Variants in ACAT1 observed in about 807,000 individuals in gnomAD.
ACAT1 encodes the protein acetyl-CoA acetyltransferase, mitochondrial.
Under a neutral mutation model 47.3 loss-of-function variants are expected in ACAT1, and 28 were observed. That is an observed-to-expected ratio of 0.59 (90% CI 0.44 to 0.81). The LOEUF (loss-of-function observed/expected upper bound fraction) is 0.81, where lower values mean the gene tolerates loss of function less well. ACAT1 is among the 30% of genes least tolerant of loss of function. ACAT1 has a pLI of 0.00. For missense variants in ACAT1, 469 were observed against 524.3 expected (o/e 0.89, Z 1.03); for synonymous variants, 181 against 173.6 (o/e 1.04, Z -0.34).
At chr11:108,142,581 A>G in intron 9 of ACAT1, 31 bp downstream of exon 9, 1 of 1,556,464 alleles carries the variant, frequency 6.4e-7, no homozygotes, top group Non-Finnish European at 8.9e-7. Flanking sequence ...TCACACCTGT[A>G]ATCCCAGCAC....
intron 1 of ACAT1, among the ~76,000 whole-genome samples, chr11:108,131,437 C>T (rs1300015667): frequency 3.7e-5 from 5 of 136,286 alleles, no homozygotes; most frequent in Non-Finnish European, 7.6e-5. Flanking sequence ...CTGCAACCTC[C>T]GCCTCCTGGG....
chr11:108,135,301 C>G, intron 5 of ACAT1, 59 bp downstream of exon 5: 3 of 1,262,892 alleles, frequency 2.4e-6, no homozygotes, highest in Non-Finnish European at 3.5e-6. Context: ...CTAAAAGACA[C>G]AAAAATCTAG....
chr11:108,144,589 A>G (rs371895505), intron 10 of ACAT1, among the ~76,000 whole-genome samples: 3 of 152,186 alleles, frequency 2.0e-5, no homozygotes, highest in African/African-American at 7.2e-5. Context: ...TCTTAAGTAA[A>G]TATTTCCTTT....
At chr11:108,119,199 C>CTT (rs376501004), upstream of ACAT1, among the ~76,000 whole-genome samples, 2 of 147,934 alleles carry the variant, frequency 1.4e-5, no homozygotes, top group African/African-American at 5.0e-5. Flanking sequence ...TGTAACCAGT[C>CTT]TTTTTTTTTT....
chr11:108,118,010 A>G (rs1376225172), upstream of ACAT1, among the ~76,000 whole-genome samples: 1 of 152,216 alleles, frequency 6.6e-6, no homozygotes, highest in Non-Finnish European at 1.5e-5. Context: ...TAAATCCCAG[A>G]TAAACCACTT....
At chr11:108,133,978 G>A (rs1426382484) in intron 3 of ACAT1, 41 bp downstream of exon 3, 1 of 1,526,884 alleles carries the variant, frequency 6.5e-7, no homozygotes, top group Non-Finnish European at 9.1e-7. Context: ...GGAGCAAAAA[G>A]ATTCCATGGA....
At position 108,146,359 on chromosome 11, in the gene ACAT1, G is replaced by C. The variant is rs773491386; in HGVS notation, c.1163G>C (p.Gly388Ala). The change falls in exon 11 of 12, where the codon GGG becomes GCG. Residue 388 changes from glycine to alanine, a missense_variant and splice_region_variant. Gly to Ala is a moderately conservative substitution (Grantham distance 60, BLOSUM62 0). Transcript: ENST00000265838. The part of the protein sequence containing the change: ...GGAVSLGHPI[G>A]MSGARIVGHL... ...GCTGTTTCTCTGGGACATCCAATTG[G>C]GTAGGTAAAAATAATAACTATATCT... is the stretch of plus-strand genomic sequence containing the variant. The C allele has an allele frequency of 6.2e-7, 1 of 1,613,680 alleles. No homozygotes were observed. The highest frequency in any genetic ancestry group is 2.2e-5 in the East Asian group (1 of 44,812).
In ACAT1 at chr11:108,134,293, C is replaced by T; in HGVS notation, c.311C>T (p.Thr104Ile). Residue 104 changes from threonine (T) to isoleucine (I), a missense_variant, in exon 4 of 12, where the codon ACA becomes ATA. Thr to Ile is a moderately conservative substitution (Grantham distance 89). Coordinates refer to ENST00000265838, the MANE Select transcript of ACAT1 (RefSeq NM_000019.4). ...CAAGGAGGTGAAGGACAAGCTCCTA[C>T]AAGGCAGGCAGTATTGGGTGCAGGT... is the stretch of plus-strand genomic sequence containing the variant. ...VLQGGEGQAP[T>I]RQAVLGAGLP... The T allele has an allele frequency of 6.2e-7, 1 of 1,613,072 alleles. No homozygotes were observed. Among genetic ancestry groups the T allele is most frequent in the Middle Eastern group, 1.7e-4 (1 of 6,056 alleles).
At chr11:108,141,476 T>C in intron 7 of ACAT1, 129 bp from the exon 8 acceptor site, 1 of 692,500 alleles carries the variant, frequency 1.4e-6, no homozygotes, top group Non-Finnish European at 2.6e-6. Context: ...AGATGAGTGT[T>C]TACTTGGGAT....
chr11:108,142,859 C>T, intron 9 of ACAT1: 1 of 309,956 alleles, frequency 3.2e-6, no homozygotes, highest in Non-Finnish European at 6.3e-6. Flanking sequence ...GGTTTCTAAA[C>T]ATCTATAAGC....
Position 108,134,126 on chromosome 11 carries a change from C to G in ACAT1, c.239-95C>G. On this transcript the variant is annotated intron_variant, in intron 3 of 11. Coordinates refer to ENST00000265838, the MANE Select transcript of ACAT1 (RefSeq NM_000019.4). ...CTCAAAACTGACAAAAAAAAGAAAC[C>G]ATTCCTATTGTGTAATGTCACCTAC... The G allele has an allele frequency of 2.4e-6, 3 of 1,275,896 alleles. No homozygotes were observed. The South Asian group carries it at 3.8e-5, about 16-fold the overall frequency. The allele number at this position is 1,275,896 out of a possible 1,614,324, so 79.0% of individuals were successfully genotyped here. A position where few individuals can be genotyped will look rare whatever the true frequency, so the allele number is the denominator to read the frequency against.
chr11:108,131,876 C>T (rs749264838), intron 1 of ACAT1, 31 bp from the exon 2 acceptor site: 5 of 1,031,690 alleles, frequency 4.8e-6, no homozygotes, highest in Non-Finnish European at 5.6e-6. Context: ...ATATTTTTTA[C>T]ATTATAACAT....
chr11:108,128,364 G>T (rs966154190), intron 1 of ACAT1, among the ~76,000 whole-genome samples: 2 of 152,232 alleles, frequency 1.3e-5, no homozygotes, highest in Admixed American at 6.5e-5. Flanking sequence ...GCCGAGGCAG[G>T]CGGATCACCT....
intron 1 of ACAT1, among the ~76,000 whole-genome samples, chr11:108,122,475 T>G (rs909276490): frequency 6.6e-6 from 1 of 152,206 alleles, no homozygotes; most frequent in African/African-American, 2.4e-5. Context: ...GAGATCCAGT[T>G]ATGTTGTGAG....
chr11:108,133,537 T>C (rs1442407855), intron 2 of ACAT1, among the ~76,000 whole-genome samples: 2 of 152,164 alleles, frequency 1.3e-5, no homozygotes, highest in African/African-American at 2.4e-5. Context: ...GATCATTTCT[T>C]GAATTTTGAC....
At chr11:108,125,382 T>A (rs7932328) in intron 1 of ACAT1, among the ~76,000 whole-genome samples, 9 of 152,190 alleles carry the variant, frequency 5.9e-5, no homozygotes, top group African/African-American at 2.2e-4. Flanking sequence ...GTTTCTGATA[T>A]TGAAGGAGCG....
At chr11:108,126,105 C>T (rs940754275) in intron 1 of ACAT1, among the ~76,000 whole-genome samples, 15 of 152,102 alleles carry the variant, frequency 9.9e-5, no homozygotes, top group Admixed American at 5.2e-4. Context: ...TGGATTCAAG[C>T]GATTCTCCCA....
chr11:108,137,873 A>G (rs1232303950), intron 5 of ACAT1, among the ~76,000 whole-genome samples: 2 of 152,080 alleles, frequency 1.3e-5, no homozygotes, highest in African/African-American at 4.8e-5. Context: ...CTTGAGCCCA[A>G]AAGGCAGAGA....
At chr11:108,138,664 TG>T in intron 5 of ACAT1, 1 of 498,002 alleles carries the variant, frequency 2.0e-6, no homozygotes, top group Non-Finnish European at 3.7e-6. Context: ...TCTAAAGTGC[TG>T]GGATTACAGG....
Sources: gnomAD v4.1 joint callset for allele counts (sites outside exome capture counted in the v4.1 genomes callset) on GRCh38, gnomAD v4.1.1 for gene constraint, MANE v1.5 for transcripts, NCBI Gene and HGNC (gene_info 2026-07-23, HGNC 2026-07-21) for gene names.